Variants in PXDNL observed in about 807,000 individuals in gnomAD.
PXDNL encodes the protein probable oxidoreductase PXDNL.
A neutral mutation model predicts 150.8 loss-of-function variants in PXDNL; 145 were observed. That is an observed-to-expected ratio of 0.96 (90% CI 0.84 to 1.10). The LOEUF (loss-of-function observed/expected upper bound fraction) is 1.10. PXDNL is among the 50% of genes least tolerant of loss of function. PXDNL has a pLI of 0.00. For missense variants in PXDNL, 2,087 were observed against 1,873.9 expected (o/e 1.11, Z -2.10); for synonymous variants, 757 against 725.7 (o/e 1.04, Z -0.69).
At chr8:51,587,346 T>G (rs1038863409) in intron 3 of PXDNL, among the ~76,000 whole-genome samples, 1 of 152,196 alleles carries the variant, frequency 6.6e-6, no homozygotes, top group Non-Finnish European at 1.5e-5. Flanking sequence ...TCAGCTAACA[T>G]TAAATGAATC....
intron 19 of PXDNL, among the ~76,000 whole-genome samples, chr8:51,364,122 G>A (rs947239265): frequency 7.9e-5 from 12 of 152,146 alleles, no homozygotes; most frequent in Non-Finnish European, 1.2e-4. Context: ...AATAAACTCT[G>A]ACATAACTAA....
At position 51,638,839 on chromosome 8, in the gene PXDNL, A is replaced by C. The variant is rs201878019; in HGVS notation, c.236+15850T>G. Among the ~76,000 whole-genome samples the C allele has an allele frequency of 2.4e-3, 367 of 152,168 alleles. 2 individuals carry two copies. Among genetic ancestry groups the C allele is most frequent in the African/African-American group, 6.9e-3 (285 of 41,544 alleles). On this transcript the variant is annotated intron_variant, in intron 2 of 22. Coordinates refer to ENST00000356297, the MANE Select transcript of PXDNL (RefSeq NM_144651.5). ...TATCCAGGAATTGAACTCAGCTCTG[A>C]ACCAAGCAGACCTAATAGACATCTA...
rs141465485 is a variant in PXDNL at position 51,609,206 on chromosome 8, A to G, written c.237-16508T>C. On this transcript the variant is annotated intron_variant, in intron 2 of 22. Coordinates refer to ENST00000356297, the MANE Select transcript of PXDNL (RefSeq NM_144651.5). ...TCTTCTTGATTACTTACTATTTTGG[A>G]GTTTGACTTTTCCCATCTGTAAAAA... Among the ~76,000 whole-genome samples, 357 of 152,332 alleles carry G rather than the reference A, an allele frequency of 2.3e-3. 1 individual carries two copies. Among genetic ancestry groups the G allele is most frequent in the Middle Eastern group, 0.014 (4 of 294 alleles).
chr8:51,515,225 C>T (rs1406496460), intron 4 of PXDNL, among the ~76,000 whole-genome samples: 1 of 152,114 alleles, frequency 6.6e-6, no homozygotes, highest in Non-Finnish European at 1.5e-5. Context: ...CTTGCAGGCT[C>T]TTCAGGGGCT....
chr8:51,605,576 G>A (rs960175531), intron 2 of PXDNL, among the ~76,000 whole-genome samples: 50 of 152,132 alleles, frequency 3.3e-4, no homozygotes, highest in African/African-American at 1.1e-3. Context: ...ATCTAAGATC[G>A]AAGATGAGGC....
At chr8:51,652,658 C>T (rs2130798720) in intron 2 of PXDNL, among the ~76,000 whole-genome samples, 1 of 152,232 alleles carries the variant, frequency 6.6e-6, no homozygotes, top group Middle Eastern at 3.4e-3. Flanking sequence ...AATTACATTA[C>T]AGCCATGAAC....
intron 17 of PXDNL, among the ~76,000 whole-genome samples, chr8:51,382,687 TTAAAA>T (rs1360972496): frequency 6.6e-6 from 1 of 152,020 alleles, no homozygotes; most frequent in Non-Finnish European, 1.5e-5. Context: ...CATTACTTCT[TTAAAA>T]TAAGTTAAAA....
Position 51,499,711 on chromosome 8 carries a change from C to T in PXDNL, c.440G>A (p.Arg147Lys), listed in dbSNP as rs1480590321. Reference sequence around the variant, plus strand: ...GGTCAACACTTACAGTCGCTCTAATCTCAGAAGGTCTCCAAAGGTCTCTGG... The same window carrying T: ...GGTCAACACTTACAGTCGCTCTAATTTCAGAAGGTCTCCAAAGGTCTCTGG... The part of the protein sequence containing the change: ...LQPETFGDLL[R>K]LERLFLHNNK... Residue 147 changes from arginine to lysine, a missense_variant, in exon 5 of 23, where the codon AGA becomes AAA. Transcript: ENST00000356297. 7 of 1,612,048 alleles carry T rather than the reference C, an allele frequency of 4.3e-6. No homozygotes were observed. Among genetic ancestry groups the T allele is most frequent in the African/African-American group, 1.3e-5 (1 of 74,992 alleles).
chr8:51,409,291 G>C lies in PXDNL; in HGVS notation c.2333C>G (p.Pro778Arg). The C allele has an allele frequency of 7.0e-7, 1 of 1,422,698 alleles. No homozygotes were observed. The highest frequency in any genetic ancestry group is 9.1e-7 in the Non-Finnish European group (1 of 1,095,360). The allele number at this position is 1,422,698 out of a possible 1,614,324, so 88.1% of individuals were successfully genotyped here. A position where few individuals can be genotyped will look rare whatever the true frequency, so the allele number is the denominator to read the frequency against. ...CACTGTGGCGACCAGCCGGGGCGGC[G>C]GGAGGGGCTGGCGGGAGCCCACAGG... Reference protein sequence around the residue: ...GLPVGSRQPLPPPRLVATVWA... With the variant: ...GLPVGSRQPLRPPRLVATVWA... The change falls in exon 17 of 23, where the codon CCG becomes CGG. Residue 778 changes from proline (P) to arginine (R), a missense_variant. Coordinates refer to ENST00000356297, the MANE Select transcript of PXDNL (RefSeq NM_144651.5).
chr8:51,552,799 C>A (rs189941933), intron 4 of PXDNL, among the ~76,000 whole-genome samples: 1 of 152,072 alleles, frequency 6.6e-6, no homozygotes, highest in South Asian at 2.1e-4. Flanking sequence ...TGTAACCAAA[C>A]GCCATGTGTT....
intron 2 of PXDNL, among the ~76,000 whole-genome samples, chr8:51,612,410 T>C (rs1814029077): frequency 6.6e-6 from 1 of 152,140 alleles, no homozygotes; most frequent in Non-Finnish European, 1.5e-5. Flanking sequence ...ATGCTGAGTA[T>C]CTCTCTCCAC....
chr8:51,429,039 C>T (rs1275760739), intron 12 of PXDNL, among the ~76,000 whole-genome samples: 1 of 28,408 alleles, frequency 3.5e-5, no homozygotes, highest in Non-Finnish European at 1.3e-4. Context: ...TGACATTGTA[C>T]TGTAGAGGAT....
intron 1 of PXDNL, among the ~76,000 whole-genome samples, chr8:51,765,352 G>C (rs2037216885): frequency 6.6e-6 from 1 of 152,136 alleles, no homozygotes; most frequent in African/African-American, 2.4e-5. Flanking sequence ...CACCATGTAA[G>C]ACATGCTTTT....
intron 8 of PXDNL, among the ~76,000 whole-genome samples, chr8:51,466,040 A>T (rs1810198025): frequency 6.6e-6 from 1 of 152,168 alleles, no homozygotes; most frequent in Admixed American, 6.5e-5. Flanking sequence ...GATTTAGAAA[A>T]AAAAAACCTA....
chr8:51,585,162 A>T (rs1477335881), intron 3 of PXDNL, among the ~76,000 whole-genome samples: 1 of 152,168 alleles, frequency 6.6e-6, no homozygotes. Context: ...GTGCGTTTGA[A>T]GGGAGAAAGA....
intron 1 of PXDNL, among the ~76,000 whole-genome samples, chr8:51,655,559 T>G (rs1400819712): frequency 6.6e-6 from 1 of 152,108 alleles, no homozygotes; most frequent in East Asian, 1.9e-4. Flanking sequence ...CCTCTTTCAG[T>G]TGGAGAACGA....
chr8:51,737,396 G>C (rs1331152007), intron 1 of PXDNL, among the ~76,000 whole-genome samples: 1 of 152,224 alleles, frequency 6.6e-6, no homozygotes, highest in Non-Finnish European at 1.5e-5. Flanking sequence ...TGTGGGCAAT[G>C]ACCAAGACTA....
intron 1 of PXDNL, among the ~76,000 whole-genome samples, chr8:51,675,003 G>A (rs1340030950): frequency 2.0e-5 from 3 of 152,100 alleles, no homozygotes; most frequent in African/African-American, 4.8e-5. Context: ...ATGAGTCCTT[G>A]GGAAACTGAG....
intron 19 of PXDNL, among the ~76,000 whole-genome samples, chr8:51,359,793 A>G (rs1002391058): frequency 2.6e-5 from 4 of 151,952 alleles, no homozygotes; most frequent in African/African-American, 4.8e-5. Flanking sequence ...TAAGCAGGGG[A>G]AAAAAAATCC....
Sources: allele counts gnomAD v4.1 joint callset (sites outside exome capture counted in the v4.1 genomes callset), GRCh38; gene constraint gnomAD v4.1.1; transcripts MANE v1.5; gene names NCBI Gene and HGNC (gene_info 2026-07-23, HGNC 2026-07-21).